INPP4B: variants seen among roughly 807,000 people sequenced by gnomAD.
The protein encoded by INPP4B is inositol polyphosphate 4-phosphatase type II.
Under a neutral mutation model 122.5 loss-of-function variants are expected in INPP4B, and 55 were observed. The ratio of observed to expected loss-of-function variants is 0.45; its 90% CI spans 0.36 to 0.56. The LOEUF (loss-of-function observed/expected upper bound fraction) is 0.56, where lower values mean the gene tolerates loss of function less well. Among genes scored for constraint, INPP4B ranks in the 20% least tolerant of loss-of-function variants. The pLI, the probability that INPP4B is intolerant of heterozygous loss-of-function variation, is 0.00. For synonymous variants in INPP4B, 403 were observed against 388.7 expected, an observed-to-expected ratio of 1.04 and a Z score of -0.43; for missense variants, 1,000 against 1,097.7, an observed-to-expected ratio of 0.91 and a Z score of 1.26.
chr4:142,257,425 G>A (rs1399249707), intron 11 of INPP4B, among the ~76,000 whole-genome samples: 1 of 152,150 alleles, frequency 6.6e-6, no homozygotes, highest in African/African-American at 2.4e-5. Flanking sequence ...GTCCCTGTTT[G>A]CAGATGACAT....
intron 2 of INPP4B, among the ~76,000 whole-genome samples, chr4:142,558,763 A>G (rs1468617849): frequency 7.2e-6 from 1 of 138,766 alleles, no homozygotes; most frequent in East Asian, 2.1e-4. Flanking sequence ...CCATTGCACT[A>G]CAGCCTGGGC....
intron 18 of INPP4B, among the ~76,000 whole-genome samples, chr4:142,130,260 T>C (rs1156509178): frequency 1.3e-5 from 2 of 152,180 alleles, no homozygotes; most frequent in African/African-American, 2.4e-5. Context: ...TTTGGTTTTG[T>C]AATGACAAAT....
intron 4 of INPP4B, among the ~76,000 whole-genome samples, chr4:142,430,445 A>G (rs1809057538): frequency 6.6e-6 from 1 of 152,262 alleles, no homozygotes. Flanking sequence ...TGTAAATTAA[A>G]AGAGAAGGTT....
In INPP4B at chr4:142,359,973, T is replaced by C. The variant is rs548751223; in HGVS notation, c.372+42965A>G. 5.3e-5 allele frequency among the ~76,000 whole-genome samples: 8 copies of C among 152,150 alleles called. No homozygotes were observed. The South Asian group carries it at 1.7e-3, about 32-fold the overall frequency. On this transcript the variant is annotated intron_variant, in intron 7 of 25. Transcript: ENST00000262992. ...TTCTGAAAACTATTATTACATGATA[T>C]TGATTGTAGAAAGAACTTCAAAGCT...
intron 7 of INPP4B, among the ~76,000 whole-genome samples, chr4:142,373,268 T>G (rs1008233253): frequency 1.6e-4 from 24 of 151,996 alleles, no homozygotes; most frequent in Non-Finnish European, 1.9e-4. Context: ...AGTAACAACA[T>G]TTGACCTTTT....
chr4:142,130,268 A>G (rs1800637214), intron 18 of INPP4B, among the ~76,000 whole-genome samples: 1 of 152,178 alleles, frequency 6.6e-6, no homozygotes, highest in East Asian at 1.9e-4. Context: ...TGTAATGACA[A>G]ATCTAATAAA....
intron 1 of INPP4B, among the ~76,000 whole-genome samples, chr4:142,762,959 T>C (rs574168931): frequency 7.1e-4 from 108 of 152,252 alleles, no homozygotes; most frequent in Non-Finnish European, 1.2e-3. Flanking sequence ...CCTTCCATCA[T>C]GTGAGGACAC....
intron 2 of INPP4B, among the ~76,000 whole-genome samples, chr4:142,627,933 T>C (rs534955319): frequency 2.2e-4 from 33 of 152,116 alleles, no homozygotes; most frequent in African/African-American, 7.7e-4. Flanking sequence ...TTTCAGATCC[T>C]GTTATTGGTC....
chr4:142,431,158 C>T lies in INPP4B; in HGVS notation c.91+11G>A, dbSNP rs749216640. The T allele has an allele frequency of 6.2e-7, 1 of 1,605,992 alleles. No individual in the cohort carries two copies. Among genetic ancestry groups the T allele is most frequent in the Non-Finnish European group, 8.5e-7 (1 of 1,173,050 alleles). ...AGATGCAAAAACAGGGAGGGATACA[C>T]ACATACTTACTTGTGAACTGACAGT... On this transcript the variant is annotated intron_variant, in intron 4 of 25. Transcript: ENST00000262992.
chr4:142,674,715 A>G (rs1158429843), intron 2 of INPP4B, among the ~76,000 whole-genome samples: 2 of 152,266 alleles, frequency 1.3e-5, no homozygotes, highest in East Asian at 1.9e-4. Flanking sequence ...GGATTAAGAA[A>G]CTCACTCAAA....
At chr4:142,368,318 G>C (rs983914516) in intron 7 of INPP4B, among the ~76,000 whole-genome samples, 8 of 152,062 alleles carry the variant, frequency 5.3e-5, no homozygotes, top group Non-Finnish European at 2.9e-5. Context: ...TAAAAAAATA[G>C]TATCACAATG....
intron 3 of INPP4B, among the ~76,000 whole-genome samples, chr4:142,448,108 G>A (rs1311682940): frequency 1.3e-5 from 2 of 151,992 alleles, no homozygotes; most frequent in East Asian, 3.9e-4. Flanking sequence ...AGTGTAGGTG[G>A]TATCTCAGGA....
intron 1 of INPP4B, among the ~76,000 whole-genome samples, chr4:142,729,637 T>A (rs969405062): frequency 6.6e-6 from 1 of 152,126 alleles, no homozygotes; most frequent in African/African-American, 2.4e-5. Context: ...CGTTTGAGCT[T>A]TTCCTGGTTC....
chr4:142,178,619 A>G (rs1829404929), intron 15 of INPP4B, among the ~76,000 whole-genome samples: 1 of 152,094 alleles, frequency 6.6e-6, no homozygotes, highest in African/African-American at 2.4e-5. Context: ...GCCATTAAAA[A>G]ATAGAGATGA....
chr4:142,205,807 CAGAT>C (rs1329483843), intron 14 of INPP4B, among the ~76,000 whole-genome samples: 1 of 152,062 alleles, frequency 6.6e-6, no homozygotes, highest in East Asian at 1.9e-4. Context: ...TGTTGATTGT[CAGAT>C]AGTTCTTAAG....
At chr4:142,823,871 A>G (rs1417656009) in intron 1 of INPP4B, among the ~76,000 whole-genome samples, 1 of 152,130 alleles carries the variant, frequency 6.6e-6, no homozygotes, top group East Asian at 1.9e-4. Context: ...TAGCCAGAAA[A>G]CATTATTTCT....
chr4:142,821,585 T>C (rs1391650343), intron 1 of INPP4B, among the ~76,000 whole-genome samples: 1 of 152,210 alleles, frequency 6.6e-6, no homozygotes, highest in African/African-American at 2.4e-5. Context: ...TAACATATTT[T>C]TATTTTGTTT....
intron 11 of INPP4B, among the ~76,000 whole-genome samples, chr4:142,258,080 C>T (rs1174526897): frequency 6.6e-6 from 1 of 151,724 alleles, no homozygotes; most frequent in Non-Finnish European, 1.5e-5. Context: ...TTTGACAAAC[C>T]TGAGAAAAAC....
At chr4:142,325,371 A>C (rs1193883707) in intron 7 of INPP4B, among the ~76,000 whole-genome samples, 1 of 152,200 alleles carries the variant, frequency 6.6e-6, no homozygotes, top group African/African-American at 2.4e-5. Flanking sequence ...CGTTTTTGAC[A>C]AACTGGTTAC....
Sources: gnomAD v4.1 joint callset for allele counts (sites outside exome capture counted in the v4.1 genomes callset) on GRCh38, gnomAD v4.1.1 for gene constraint, MANE v1.5 for transcripts, NCBI Gene and HGNC (gene_info 2026-07-23, HGNC 2026-07-21) for gene names.